SDCCAG8: variants seen among roughly 807,000 people sequenced by gnomAD.
SDCCAG8 encodes SHH signaling and ciliogenesis regulator SDCCAG8.
In SDCCAG8, 74 loss-of-function variants were observed where a neutral mutation model predicts 101.8. That is an observed-to-expected ratio of 0.73 (90% confidence interval 0.60 to 0.88). The LOEUF is 0.88. Ranked by LOEUF, SDCCAG8 falls within the 40% of genes least tolerant of loss-of-function variation. SDCCAG8 has a pLI of 0.00. For missense variants in SDCCAG8, 787 were observed against 822.6 expected, an observed-to-expected ratio of 0.96 and a Z score of 0.53; for synonymous variants, 281 against 292.9, an observed-to-expected ratio of 0.96 and a Z score of 0.41.
chr1:243,483,301 T>C (rs1664133557), intron 16 of SDCCAG8, among the ~76,000 whole-genome samples: 1 of 151,934 alleles, frequency 6.6e-6, no homozygotes, highest in South Asian at 2.1e-4. Flanking sequence ...CGCAGCAGCG[T>C]CCCCGCCGCC....
At chr1:243,433,269 G>T (rs776856014) in intron 16 of SDCCAG8, among the ~76,000 whole-genome samples, 2 of 151,246 alleles carry the variant, frequency 1.3e-5, no homozygotes, top group Non-Finnish European at 2.9e-5. Context: ...GGAGAACTGC[G>T]TGAACTCGGA....
intron 16 of SDCCAG8, among the ~76,000 whole-genome samples, chr1:243,471,694 T>C (rs1661308377): frequency 6.6e-6 from 1 of 152,164 alleles, no homozygotes; most frequent in Non-Finnish European, 1.5e-5. Flanking sequence ...CATTTCTTAA[T>C]GAGTTAACTG....
At chr1:243,388,531 A>G (rs1278510109) in intron 13 of SDCCAG8, among the ~76,000 whole-genome samples, 2 of 151,998 alleles carry the variant, frequency 1.3e-5, no homozygotes, top group Non-Finnish European at 2.9e-5. Flanking sequence ...GTAAAACACC[A>G]AGTATCTGCA....
chr1:243,319,540 A>G (rs1428310000), intron 9 of SDCCAG8, among the ~76,000 whole-genome samples: 1 of 151,534 alleles, frequency 6.6e-6, no homozygotes, highest in African/African-American at 2.4e-5. Flanking sequence ...TGCCTGGCTA[A>G]TTTTGTTTTT....
At chr1:243,303,861 C>A (rs1224953805) in intron 6 of SDCCAG8, among the ~76,000 whole-genome samples, 2 of 151,982 alleles carry the variant, frequency 1.3e-5, no homozygotes, top group Admixed American at 6.6e-5. Flanking sequence ...TCACTTGAGT[C>A]CAGGGGTTCG....
chr1:243,307,567 A>G (rs1344156800), intron 7 of SDCCAG8: 1 of 984,146 alleles, frequency 1.0e-6, no homozygotes, highest in Non-Finnish European at 1.2e-6. Flanking sequence ...AATGCTTGAA[A>G]TAGGGTATTT....
At chr1:243,406,173 G>T (rs183423634) in intron 13 of SDCCAG8, among the ~76,000 whole-genome samples, 1 of 152,136 alleles carries the variant, frequency 6.6e-6, no homozygotes, top group East Asian at 1.9e-4. Context: ...TGGAAAATAT[G>T]AATTTTTGAA....
intron 13 of SDCCAG8, among the ~76,000 whole-genome samples, chr1:243,406,054 T>C (rs796567322): frequency 3.3e-4 from 50 of 152,334 alleles, no homozygotes; most frequent in African/African-American, 1.2e-3. Flanking sequence ...TGATTTGAAG[T>C]TACTCATCAG....
chr1:243,367,287 A>G (rs976728042), intron 12 of SDCCAG8, among the ~76,000 whole-genome samples: 1 of 152,088 alleles, frequency 6.6e-6, no homozygotes, highest in African/African-American at 2.4e-5. Flanking sequence ...GAGATGTCCC[A>G]CCAGAAAAGA....
At chr1:243,457,577 A>G (rs2083859928) in intron 16 of SDCCAG8, among the ~76,000 whole-genome samples, 1 of 152,214 alleles carries the variant, frequency 6.6e-6, no homozygotes, top group Non-Finnish European at 1.5e-5. Flanking sequence ...TTTACTTTTG[A>G]ACTTCTCTGC....
intron 15 of SDCCAG8, among the ~76,000 whole-genome samples, chr1:243,421,620 C>T (rs773999832): frequency 2.4e-4 from 36 of 152,150 alleles, no homozygotes; most frequent in Non-Finnish European, 4.1e-4. Context: ...TTGTGAATGG[C>T]ACGTCCCATT....
At chr1:243,378,376 A>G (rs773200812) in intron 12 of SDCCAG8, among the ~76,000 whole-genome samples, 2 of 152,122 alleles carry the variant, frequency 1.3e-5, no homozygotes, top group African/African-American at 2.4e-5. Context: ...GTCTGATTGA[A>G]TCTCACACAA....
chr1:243,372,946 ATATC>A (rs1428628382), intron 12 of SDCCAG8, among the ~76,000 whole-genome samples: 47 of 139,200 alleles, frequency 3.4e-4, no homozygotes, highest in African/African-American at 1.2e-3. Context: ...ATCTATATCT[ATATC>A]TATCTATATA....
intron 8 of SDCCAG8, among the ~76,000 whole-genome samples, chr1:243,309,118 G>A (rs964278581): frequency 2.6e-5 from 4 of 152,126 alleles, no homozygotes; most frequent in African/African-American, 7.2e-5. Context: ...TTGTTTGGAG[G>A]AAAATACCTG....
intron 13 of SDCCAG8, among the ~76,000 whole-genome samples, chr1:243,413,586 G>A (rs1348740128): frequency 6.6e-6 from 1 of 152,168 alleles, no homozygotes; most frequent in Non-Finnish European, 1.5e-5. Flanking sequence ...TTACATTGGG[G>A]AACTGTAAGT....
Position 243,474,354 on chromosome 1 carries a change from C to T in SDCCAG8, c.1986-14660C>T, listed in dbSNP as rs1399608084. 6.6e-6 allele frequency among the ~76,000 whole-genome samples: 1 copy of T among 152,184 alleles called. No individual in the cohort carries two copies. Among genetic ancestry groups the T allele is most frequent in the East Asian group, 1.9e-4 (1 of 5,178 alleles). On this transcript the variant is annotated intron_variant, in intron 16 of 17. Transcript: ENST00000366541. The surrounding 1 kb of genome is among the most constrained non-coding windows in gnomAD (Gnocchi z 4.7). ...GAGGCCCTGCGAGCCCCCGTGGAGTCGCCTGAGCCAGATGCTCCGCACCCA... is the reference window on the plus strand; with the variant it reads ...GAGGCCCTGCGAGCCCCCGTGGAGTTGCCTGAGCCAGATGCTCCGCACCCA...
intron 17 of SDCCAG8, among the ~76,000 whole-genome samples, chr1:243,492,341 A>C (rs1378529156): frequency 1.8e-5 from 2 of 110,518 alleles, no homozygotes; most frequent in African/African-American, 7.2e-5. Context: ...TTGCTCCGTC[A>C]CCCGGACTGG....
At chr1:243,349,207 C>T (rs139495149) in intron 12 of SDCCAG8, among the ~76,000 whole-genome samples, 1,627 of 152,212 alleles carry the variant, frequency 0.011, 20 homozygotes, top group South Asian at 0.049. Context: ...GTATATATCC[C>T]CACTCACATA....
chr1:243,372,987 GATAAA>G (rs1475520696), intron 12 of SDCCAG8, among the ~76,000 whole-genome samples: 8 of 148,766 alleles, frequency 5.4e-5, no homozygotes, highest in East Asian at 1.9e-4. Context: ...TATAAGATAA[GATAAA>G]ATAAAAGTAG....
Sources: allele counts gnomAD v4.1 joint callset (sites outside exome capture counted in the v4.1 genomes callset), GRCh38; gene constraint gnomAD v4.1.1; non-coding constraint Gnocchi (gnomAD v3.1); transcripts MANE v1.5; gene names NCBI Gene and HGNC (gene_info 2026-07-23, HGNC 2026-07-21).